The following GPR158 variants were observed in gnomAD, a reference collection of about 807,000 sequenced individuals.
The protein encoded by GPR158 is metabotropic glycine receptor.
Under a neutral mutation model 78.2 loss-of-function variants are expected in GPR158, and 30 were observed. The observed-to-expected ratio is 0.38, with a 90% confidence interval of 0.29 to 0.52. GPR158 has a LOEUF of 0.52. Among genes scored for constraint, GPR158 ranks in the 20% least tolerant of loss-of-function variants. The pLI is 0.83. For synonymous variants in GPR158, 581 were observed against 591.1 expected (o/e 0.98, Z 0.25); for missense variants, 1,463 against 1,523.5 (o/e 0.96, Z 0.66).
chr10:25,269,055 T>C (rs958091040), intron 2 of GPR158, among the ~76,000 whole-genome samples: 4 of 152,198 alleles, frequency 2.6e-5, no homozygotes, highest in African/African-American at 9.6e-5. Context: ...GACATAATGT[T>C]ACTTTATATA....
chr10:25,598,440 TAA>T lies in GPR158; in HGVS notation c.2816_2817del (p.Lys939ArgfsTer10), dbSNP rs902405277. ...AATCCCAGAAACCTTTGCCAAAAGA[TAA>T]AGAGACAAACAGAAATCACTCAAAT... ...TKSQKPLPKD[K>X]ETNRNHSNSD... is the part of the protein sequence containing the mutation. On this transcript the variant is annotated frameshift_variant, in exon 11 of 11. Coordinates refer to ENST00000376351, the MANE Select transcript of GPR158 (RefSeq NM_020752.3). LOFTEE classifies it low-confidence loss of function (END_TRUNC). 11 of 1,613,766 alleles carry T rather than the reference TAA, an allele frequency of 6.8e-6. No individual in the cohort carries two copies. The African/African-American group carries it at 9.4e-5, about 14-fold the overall frequency.
At chr10:25,545,485 G>C (rs190687010) in intron 5 of GPR158, among the ~76,000 whole-genome samples, 8 of 152,190 alleles carry the variant, frequency 5.3e-5, no homozygotes, top group Admixed American at 5.2e-4. Flanking sequence ...TCATGTGTTT[G>C]TTGGCCACAT....
At chr10:25,380,178 T>C (rs1240848206) in intron 2 of GPR158, among the ~76,000 whole-genome samples, 4 of 152,170 alleles carry the variant, frequency 2.6e-5, no homozygotes, top group East Asian at 3.8e-4. Flanking sequence ...GACAACCCAC[T>C]ATCCAGCTTA....
intron 2 of GPR158, among the ~76,000 whole-genome samples, chr10:25,253,767 G>T (rs1316630012): frequency 8.5e-5 from 13 of 152,072 alleles, no homozygotes. Flanking sequence ...TTCATGACTT[G>T]TTGATGGGAT....
intron 1 of GPR158, among the ~76,000 whole-genome samples, chr10:25,191,776 T>C (rs916888443): frequency 2.0e-5 from 3 of 152,094 alleles, no homozygotes; most frequent in Non-Finnish European, 2.9e-5. Context: ...GTCTGGAAGG[T>C]GCTTTATGAA....
chr10:25,574,042 C>A (rs1327425230), intron 7 of GPR158, among the ~76,000 whole-genome samples: 1 of 149,672 alleles, frequency 6.7e-6, no homozygotes, highest in Non-Finnish European at 1.5e-5. Flanking sequence ...TTCTACTCAC[C>A]CTGACATTAT....
At chr10:25,380,794 C>A in intron 2 of GPR158, among the ~76,000 whole-genome samples, 1 of 152,032 alleles carries the variant, frequency 6.6e-6, no homozygotes, top group East Asian at 1.9e-4. Flanking sequence ...ATATATGAAG[C>A]AGTTATACTA....
intron 4 of GPR158, among the ~76,000 whole-genome samples, chr10:25,453,019 C>T (rs558597668): frequency 9.5e-4 from 144 of 152,256 alleles, no homozygotes; most frequent in African/African-American, 3.1e-3. Context: ...TTAGCATGTC[C>T]TCCAGTTTTA....
intron 1 of GPR158, among the ~76,000 whole-genome samples, chr10:25,216,366 AG>A (rs1430573662): frequency 1.3e-5 from 2 of 152,172 alleles, no homozygotes; most frequent in Non-Finnish European, 2.9e-5. Flanking sequence ...TAACATGAGG[AG>A]GGAGGAAAAG....
intron 1 of GPR158, among the ~76,000 whole-genome samples, chr10:25,198,474 A>C (rs2130651583): frequency 6.6e-6 from 1 of 152,306 alleles, no homozygotes; most frequent in African/African-American, 2.4e-5. Flanking sequence ...ACATTATCAC[A>C]GGACTATCAG....
intron 4 of GPR158, among the ~76,000 whole-genome samples, chr10:25,461,515 T>G (rs2130612332): frequency 6.6e-6 from 1 of 152,256 alleles, no homozygotes; most frequent in South Asian, 2.1e-4. Flanking sequence ...AGAAGAAAAG[T>G]TAGAAGCTAG....
chr10:25,467,351 TAGCCACTC>T (rs1330531017), intron 5 of GPR158, among the ~76,000 whole-genome samples: 5 of 152,156 alleles, frequency 3.3e-5, no homozygotes, highest in Non-Finnish European at 5.9e-5. Flanking sequence ...TAAAAGGTGC[TAGCCACTC>T]AGTATCTTCA....
chr10:25,241,135 TTC>T (rs1284149014), intron 2 of GPR158, among the ~76,000 whole-genome samples: 3 of 62,670 alleles, frequency 4.8e-5, no homozygotes, highest in Admixed American at 3.3e-4. Context: ...TTTTCTTTCT[TTC>T]TTTCTTTCTT....
At chr10:25,396,064 T>C in intron 3 of GPR158, 51 bp downstream of exon 3, 1 of 752,570 alleles carries the variant, frequency 1.3e-6, no homozygotes, top group Non-Finnish European at 2.3e-6. Flanking sequence ...TCATATATAC[T>C]ATTATTACGA....
At chr10:25,310,860 T>G (rs1199982982) in intron 2 of GPR158, among the ~76,000 whole-genome samples, 1 of 152,072 alleles carries the variant, frequency 6.6e-6, no homozygotes, top group Non-Finnish European at 1.5e-5. Context: ...TATTTATGTC[T>G]GGATTTTTGA....
intron 2 of GPR158, among the ~76,000 whole-genome samples, chr10:25,276,951 T>A (rs1854191747): frequency 6.6e-6 from 1 of 151,872 alleles, no homozygotes; most frequent in South Asian, 2.1e-4. Flanking sequence ...CCAACTATTT[T>A]TTTTTTTTTT....
chr10:25,301,588 T>C (rs1854594537), intron 2 of GPR158, among the ~76,000 whole-genome samples: 1 of 152,012 alleles, frequency 6.6e-6, no homozygotes, highest in Admixed American at 6.5e-5. Flanking sequence ...GTGAGGAATT[T>C]GTGAAAAAGT....
chr10:25,223,836 T>C (rs1309470722), intron 2 of GPR158, among the ~76,000 whole-genome samples: 1 of 152,200 alleles, frequency 6.6e-6, no homozygotes, highest in Non-Finnish European at 1.5e-5. Context: ...CTTGCTAATA[T>C]TTAACATTCT....
chr10:25,437,221 C>T (rs1252249926), intron 4 of GPR158, among the ~76,000 whole-genome samples: 2 of 151,972 alleles, frequency 1.3e-5, no homozygotes, highest in African/African-American at 2.4e-5. Context: ...AGTGTGAAAT[C>T]CTATTGGGAT....
Sources: gnomAD v4.1 joint callset for allele counts (sites outside exome capture counted in the v4.1 genomes callset) on GRCh38, gnomAD v4.1.1 for gene constraint, MANE v1.5 for transcripts, NCBI Gene and HGNC (gene_info 2026-07-23, HGNC 2026-07-21) for gene names.